The following MACROD2 variants were observed in gnomAD, a reference collection of about 807,000 sequenced individuals.
MACROD2 encodes ADP-ribose glycohydrolase MACROD2.
In MACROD2, 36 loss-of-function variants were observed where a neutral mutation model predicts 70.4. That is an observed-to-expected ratio of 0.51 (90% CI 0.39 to 0.68). The LOEUF (loss-of-function observed/expected upper bound fraction) is 0.68, where lower values mean the gene tolerates loss of function less well. MACROD2 is among the 30% of genes least tolerant of loss of function. MACROD2 has a pLI of 0.00. For missense variants in MACROD2, 496 were observed against 538.4 expected, an observed-to-expected ratio of 0.92 and a Z score of 0.78; for synonymous variants, 172 against 178.8, an observed-to-expected ratio of 0.96 and a Z score of 0.30.
At chr20:14,871,985 A>G (rs1350783142) in intron 5 of MACROD2, among the ~76,000 whole-genome samples, 2 of 152,182 alleles carry the variant, frequency 1.3e-5, no homozygotes, top group Non-Finnish European at 2.9e-5. Flanking sequence ...TGCTAAATAT[A>G]TATGCACCCG....
chr20:14,850,492 A>T (rs988066942), intron 5 of MACROD2: 1 of 152,978 alleles, frequency 6.5e-6, no homozygotes, highest in South Asian at 2.0e-4. Context: ...AATATTTGAG[A>T]TTTGTTTGCC....
At chr20:15,964,021 G>A (rs542993514) in intron 12 of MACROD2, among the ~76,000 whole-genome samples, 1 of 152,060 alleles carries the variant, frequency 6.6e-6, no homozygotes, top group Admixed American at 6.5e-5. Flanking sequence ...CCAGTTCTCT[G>A]TTATTAAAAT....
intron 5 of MACROD2, among the ~76,000 whole-genome samples, chr20:15,143,125 C>T (rs995630382): frequency 2.0e-5 from 3 of 152,180 alleles, no homozygotes; most frequent in African/African-American, 7.2e-5. Context: ...TACAGTCCCA[C>T]CAACAGTGTA....
chr20:15,293,564 A>G (rs548625220), intron 6 of MACROD2, among the ~76,000 whole-genome samples: 1 of 152,354 alleles, frequency 6.6e-6, no homozygotes, highest in East Asian at 1.9e-4. Context: ...AAAAGTTTGC[A>G]TGATTGTGCC....
rs141591789 is a variant in MACROD2 at position 15,179,300 on chromosome 20, A to G, written c.419-50640A>G. 5.4e-3 allele frequency among the ~76,000 whole-genome samples: 829 copies of G among 152,286 alleles called. 7 individuals are homozygous for G. Among genetic ancestry groups the G allele is most frequent in the African/African-American group, 0.019 (796 of 41,532 alleles). ...AGCTTATTTTTTTATTGACAGATAT[A>G]AACAATTCTACCTGTGCAGAGACAA... On this transcript the variant is annotated intron_variant, in intron 5 of 17. Coordinates refer to ENST00000684519, the MANE Select transcript of MACROD2 (RefSeq NM_001351661.2).
intron 15 of MACROD2, among the ~76,000 whole-genome samples, chr20:16,025,993 A>AG (rs975573465): frequency 3.3e-5 from 5 of 151,446 alleles, no homozygotes; most frequent in Non-Finnish European, 7.4e-5. Flanking sequence ...TAAAAAAAAA[A>AG]AAAAGAAAAA....
chr20:14,187,195 A>C (rs1423773724), intron 3 of MACROD2, among the ~76,000 whole-genome samples: 4 of 151,842 alleles, frequency 2.6e-5, no homozygotes, highest in Admixed American at 6.6e-5. Flanking sequence ...TTAGTTGACT[A>C]TTCCAGACCT....
At chr20:15,053,785 C>T (rs1431145942) in intron 5 of MACROD2, among the ~76,000 whole-genome samples, 2 of 152,086 alleles carry the variant, frequency 1.3e-5, no homozygotes, top group Non-Finnish European at 2.9e-5. Flanking sequence ...GATAGTGATT[C>T]CTCTGACAAA....
intron 16 of MACROD2, among the ~76,000 whole-genome samples, chr20:16,043,910 G>A (rs1045424102): frequency 6.6e-5 from 10 of 152,022 alleles, no homozygotes; most frequent in Admixed American, 2.6e-4. Flanking sequence ...ATCATAATAT[G>A]TACATCCAAA....
At chr20:14,714,776 T>TC (rs2071378768) in intron 5 of MACROD2, among the ~76,000 whole-genome samples, 1 of 152,190 alleles carries the variant, frequency 6.6e-6, no homozygotes, top group Admixed American at 6.5e-5. Flanking sequence ...CTAGGTCAGA[T>TC]CCCCTTATAG....
chr20:15,202,649 T>C (rs1044319046), intron 5 of MACROD2, among the ~76,000 whole-genome samples: 1 of 152,352 alleles, frequency 6.6e-6, no homozygotes, highest in Middle Eastern at 3.4e-3. Flanking sequence ...ATGACCTATC[T>C]TGCTGGGTTC....
intron 4 of MACROD2, among the ~76,000 whole-genome samples, chr20:14,643,448 T>A (rs1985201550): frequency 6.6e-6 from 1 of 152,196 alleles, no homozygotes; most frequent in Admixed American, 6.5e-5. Context: ...TGTTTACTAG[T>A]GCAAATGGCA....
At chr20:14,798,372 T>C (rs1255147723) in intron 5 of MACROD2, among the ~76,000 whole-genome samples, 1 of 152,158 alleles carries the variant, frequency 6.6e-6, no homozygotes, top group African/African-American at 2.4e-5. Flanking sequence ...AACATGGATT[T>C]GTCTTGATAA....
chr20:15,024,383 G>A (rs542437462), intron 5 of MACROD2, among the ~76,000 whole-genome samples: 27 of 152,182 alleles, frequency 1.8e-4, no homozygotes, highest in African/African-American at 5.3e-4. Context: ...AAAAGAGGAG[G>A]AAGAAGAGGA....
chr20:15,496,181 A>G (rs541165003), intron 7 of MACROD2, among the ~76,000 whole-genome samples: 1 of 152,320 alleles, frequency 6.6e-6, no homozygotes, highest in East Asian at 1.9e-4. Flanking sequence ...GATGCTTGTG[A>G]AAGAGTATTC....
intron 6 of MACROD2, among the ~76,000 whole-genome samples, chr20:15,234,009 A>ATATTTTTTTTTTTTTTT (rs1555795277): frequency 1.0e-4 from 4 of 39,998 alleles, no homozygotes; most frequent in African/African-American, 2.6e-4. Context: ...ATATATATAT[A>ATATTTTTTTTTTTTTTT]TTCTTTTTTT....
At chr20:15,781,171 G>C (rs2051824535) in intron 8 of MACROD2, among the ~76,000 whole-genome samples, 1 of 152,156 alleles carries the variant, frequency 6.6e-6, no homozygotes, top group Admixed American at 6.5e-5. Flanking sequence ...AATAAAGAAT[G>C]TGGAGACACA....
intron 3 of MACROD2, among the ~76,000 whole-genome samples, chr20:14,410,572 GT>G (rs2083738951): frequency 1.3e-5 from 2 of 152,006 alleles, no homozygotes; most frequent in South Asian, 2.1e-4. Context: ...TGATTTCATT[GT>G]TTTTTTGTGG....
chr20:15,668,001 T>C (rs2049924896), intron 8 of MACROD2, among the ~76,000 whole-genome samples: 1 of 148,910 alleles, frequency 6.7e-6, no homozygotes, highest in South Asian at 2.2e-4. Context: ...ACCGTGAGTG[T>C]GTAATCTCAG....
Sources: gnomAD v4.1 joint callset for allele counts (sites outside exome capture counted in the v4.1 genomes callset) on GRCh38, gnomAD v4.1.1 for gene constraint, MANE v1.5 for transcripts, NCBI Gene and HGNC (gene_info 2026-07-23, HGNC 2026-07-21) for gene names.